The following MARS1 variants were observed in gnomAD, a reference collection of about 807,000 sequenced individuals.
The protein encoded by MARS1 is methionine--tRNA ligase, cytoplasmic.
MARS1 carries 80 observed loss-of-function variants against 119.5 expected under a neutral mutation model. The ratio of observed to expected loss-of-function variants is 0.67; its 90% CI spans 0.56 to 0.81. The LOEUF is 0.81. Among genes scored for constraint, MARS1 ranks in the 30% least tolerant of loss-of-function variants. The pLI is 0.00. For missense variants in MARS1, 945 were observed against 1,116.5 expected, an observed-to-expected ratio of 0.85 and a Z score of 2.19; for synonymous variants, 418 against 433.4, an observed-to-expected ratio of 0.96 and a Z score of 0.44.
At position 57,488,080 on chromosome 12, in the gene MARS1, T is replaced by A. The variant is rs572679166; in HGVS notation, c.-11T>A. 4.3e-6 allele frequency: 7 copies of A among 1,612,466 alleles called. No individual in the cohort carries two copies. The East Asian group carries it at 1.6e-4, about 36-fold the overall frequency. The stretch of plus-strand genomic sequence containing the variant: ...CGGTTCCGGTTGCATCAGCGAGGGA[T>A]TCACGGCGAAATGAGACTGTTCGTG... On this transcript the variant is annotated 5_prime_UTR_variant, in exon 1 of 21. Coordinates refer to ENST00000262027, the MANE Select transcript of MARS1 (RefSeq NM_004990.4).
rs1046390285 is a variant in MARS1, at chr12:57,500,347, T to G, written c.1118T>G (p.Leu373Trp). ...ATCACCCAGGACATTTTCCAGCAGT[T>G]GCTGAAACGAGGTTTTGTGCTGCAA... ...TKITQDIFQQ[L>W]LKRGFVLQDT... Residue 373 changes from leucine (L) to tryptophan (W), a missense_variant, in exon 10 of 21, where the codon TTG becomes TGG. Coordinates refer to ENST00000262027, the MANE Select transcript of MARS1 (RefSeq NM_004990.4). 1.9e-6 allele frequency: 3 copies of G among 1,614,194 alleles called. No homozygotes were observed.
Position 57,504,310 on chromosome 12 carries a change from T to C in MARS1, c.1368+11T>C. On this transcript the variant is annotated intron_variant, in intron 11 of 20. Transcript: ENST00000262027. ...CTGGACCTGCCTAAGGTAAGTGAGC[T>C]TTTCTCTCAACCTAGTTTTCAGGAG... The C allele has an allele frequency of 6.2e-7, 1 of 1,613,370 alleles. No individual in the cohort carries two copies. The highest frequency in any genetic ancestry group is 1.1e-5 in the South Asian group (1 of 91,060).
chr12:57,488,354 TC>T, intron 1 of MARS1, 155 bp downstream of exon 1: 1 of 750,410 alleles, frequency 1.3e-6, no homozygotes. Context: ...CCTTCTTCCC[TC>T]CCAGTCACAT....
At chr12:57,514,888 G>T (rs761431793) in intron 16 of MARS1, 37 bp downstream of exon 16, 1 of 1,613,376 alleles carries the variant, frequency 6.2e-7, no homozygotes. Flanking sequence ...CTGCTGGCAT[G>T]TTGAGAGCCT....
rs1555166063 is a variant in MARS1 at position 57,493,411 on chromosome 12, A to AAC, written c.770+2768_770+2769insCA. On this transcript the variant is annotated intron_variant, in intron 7 of 20. Transcript: ENST00000262027. ...ATATTATATATAATATATGTTATAT[A>AAC]ATATATTATATGATATGTATAATAT... Among the ~76,000 whole-genome samples the AAC allele has an allele frequency of 2.6e-4, 4 of 15,232 alleles. 2 individuals are homozygous for AAC. The highest frequency in any genetic ancestry group is 2.5e-3 in the Admixed American group (2 of 816). 10.0% of individuals were successfully genotyped at this position (15,232 alleles called of 152,430 possible).
At chr12:57,508,565 G>A (rs1877350447) in intron 11 of MARS1, among the ~76,000 whole-genome samples, 1 of 152,280 alleles carries the variant, frequency 6.6e-6, no homozygotes, top group Non-Finnish European at 1.5e-5. Context: ...GCAGGCTGAG[G>A]CAGGAGAATC....
intron 7 of MARS1, among the ~76,000 whole-genome samples, chr12:57,494,928 A>G (rs953741542): frequency 1.3e-4 from 20 of 152,158 alleles, no homozygotes; most frequent in Non-Finnish European, 2.8e-4. Context: ...CACAGTAACA[A>G]TCTGATCTCT....
In MARS1 at chr12:57,515,206, T is replaced by C. The variant is rs1244746346; in HGVS notation, c.2261T>C (p.Val754Ala). The C allele has an allele frequency of 6.2e-7, 1 of 1,614,058 alleles. No homozygotes were observed. The highest frequency in any genetic ancestry group is 1.3e-5 in the African/African-American group (1 of 74,928). ...GTGAATATAGCTGCCTTGCTCTCTG[T>C]CATGCTTCAGCCTTACATGCCCACG... ...LAVNIAALLS[V>A]MLQPYMPTVS... is the part of the protein sequence containing the mutation. The change falls in exon 18 of 21, where the codon GTC becomes GCC. Residue 754 changes from valine to alanine, a missense_variant. Coordinates refer to ENST00000262027, the MANE Select transcript of MARS1 (RefSeq NM_004990.4).
chr12:57,502,941 G>A (rs1301812010), intron 10 of MARS1, among the ~76,000 whole-genome samples: 3 of 150,824 alleles, frequency 2.0e-5, no homozygotes, highest in Non-Finnish European at 4.4e-5. Flanking sequence ...CTGGAGAATC[G>A]CTTGAACCCG....
chr12:57,498,920 T>G (rs1876776130), intron 9 of MARS1, among the ~76,000 whole-genome samples: 2 of 152,152 alleles, frequency 1.3e-5, no homozygotes, highest in Non-Finnish European at 2.9e-5. Context: ...TCTAAGACAC[T>G]TCTTCCCACT....
chr12:57,492,718 C>A (rs917214981), intron 7 of MARS1, among the ~76,000 whole-genome samples: 1 of 148,342 alleles, frequency 6.7e-6, no homozygotes, highest in African/African-American at 2.5e-5. Flanking sequence ...CACACACAGA[C>A]GTAAACAAAT....
intron 7 of MARS1, among the ~76,000 whole-genome samples, chr12:57,493,758 T>A (rs1186703107): frequency 2.9e-4 from 1 of 3,494 alleles, no homozygotes; most frequent in Non-Finnish European, 3.9e-4. Context: ...TACATTATAT[T>A]ATATATATTA....
intron 1 of MARS1, chr12:57,488,513 T>A: frequency 6.7e-7 from 1 of 1,481,894 alleles, no homozygotes; most frequent in South Asian, 1.2e-5. Flanking sequence ...CCCCCTCTGC[T>A]CTTTAGTTAC....
chr12:57,515,124 C>T, intron 17 of MARS1, 26 bp from the exon 18 acceptor site: 1 of 1,614,040 alleles, frequency 6.2e-7, no homozygotes, highest in African/African-American at 1.3e-5. Flanking sequence ...TCCTGGAGGT[C>T]TTGACTAATG....
intron 7 of MARS1, among the ~76,000 whole-genome samples, chr12:57,494,323 T>C (rs1260578442): frequency 6.9e-6 from 1 of 145,228 alleles, no homozygotes; most frequent in Non-Finnish European, 1.5e-5. Flanking sequence ...CTTCTTCTTT[T>C]TTTTCTTTTT....
chr12:57,492,669 T>TCTCTCACA (rs1217908969), intron 7 of MARS1, among the ~76,000 whole-genome samples: 2 of 139,446 alleles, frequency 1.4e-5, no homozygotes, highest in African/African-American at 5.3e-5. Flanking sequence ...CGACTCCATT[T>TCTCTCACA]CACACACACA....
intron 19 of MARS1, 100 bp downstream of exon 19, chr12:57,516,091 G>C (rs1249472565): frequency 7.0e-7 from 1 of 1,424,166 alleles, no homozygotes; most frequent in East Asian, 2.3e-5. Flanking sequence ...TCCATCTTTT[G>C]GCCCTGCCGC....
intron 9 of MARS1, among the ~76,000 whole-genome samples, chr12:57,499,145 G>A (rs1290514548): frequency 6.6e-6 from 1 of 151,214 alleles, no homozygotes. Flanking sequence ...TTAGTTGGGC[G>A]TGGTTGTGGG....
rs1877717781 is a variant in MARS1 at position 57,515,012 on chromosome 12, C to T, written c.2158C>T (p.Gln720Ter). The T allele has an allele frequency of 1.2e-6, 2 of 1,614,162 alleles. No homozygotes were observed. Among genetic ancestry groups the T allele is most frequent in the Non-Finnish European group, 1.7e-6 (2 of 1,180,042 alleles). Residue 720 changes from glutamine (Q) to a stop codon, truncating the protein, a stop_gained, in exon 17 of 21, where the codon CAG (glutamine) becomes TAG (stop). Transcript: ENST00000262027. LOFTEE classifies it high-confidence loss of function. ...ATCTCGACATGGCAACCAATATATT[C>T]AGGTGAATGAGCCCTGGAAGCGGAT... Reference protein sequence around the residue: ...TISRHGNQYIQVNEPWKRIKG... With the variant: ...TISRHGNQYI
Sources: gnomAD v4.1 joint callset for allele counts (sites outside exome capture counted in the v4.1 genomes callset) on GRCh38, gnomAD v4.1.1 for gene constraint, MANE v1.5 for transcripts, NCBI Gene and HGNC (gene_info 2026-07-23, HGNC 2026-07-21) for gene names.